Variants in SSH2 observed in about 807,000 individuals in gnomAD.
SSH2 encodes the protein slingshot protein phosphatase 2, also known as protein phosphatase Slingshot homolog 2.
In SSH2, 37 loss-of-function variants were observed where a neutral mutation model predicts 135.2. The observed-to-expected ratio is 0.27, with a 90% CI of 0.21 to 0.36. The LOEUF (loss-of-function observed/expected upper bound fraction) is 0.36. Among genes scored for constraint, SSH2 ranks in the 10% least tolerant of loss-of-function variants. SSH2 has a pLI of 1.00. For synonymous variants in SSH2, 628 were observed against 646.2 expected, an observed-to-expected ratio of 0.97 and a Z score of 0.43; for missense variants, 1,408 against 1,765.3, an observed-to-expected ratio of 0.80 and a Z score of 3.63.
intron 3 of SSH2, among the ~76,000 whole-genome samples, chr17:29,741,440 TAATC>T (rs2040549309): frequency 6.6e-6 from 1 of 152,142 alleles, no homozygotes; most frequent in African/African-American, 2.4e-5. Flanking sequence ...AAACTGGACA[TAATC>T]AAAATGTTCA....
rs114529635 is a variant in SSH2 at position 29,868,288 on chromosome 17, A to G, written c.64-19359T>C. Among the ~76,000 whole-genome samples, 1,081 of 152,312 alleles carry G rather than the reference A, an allele frequency of 7.1e-3. 13 individuals are homozygous for G. Among genetic ancestry groups the G allele is most frequent in the African/African-American group, 0.023 (947 of 41,566 alleles). ...CCTACCCCTCAAGATCCTTGAATCC[A>G]TAAAATTGTTAAAGATGAGAGAAGC... On this transcript the variant is annotated intron_variant, in intron 1 of 15. Coordinates refer to ENST00000540801, the MANE Select transcript of SSH2 (RefSeq NM_001282129.2).
chr17:29,716,501 C>T, intron 3 of SSH2: 3 of 712,894 alleles, frequency 4.2e-6, no homozygotes, highest in Non-Finnish European at 5.2e-6. Context: ...ATTGTAGACT[C>T]CTTCAGTTCT....
Position 29,630,927 on chromosome 17 carries a change from G to A in SSH2, c.4267C>T (p.Gln1423Ter). ...CTAAGGGGGTGAGTTCTGCCGTGTT[G>A]CTGACGGGGTGCCACGGCCAGCCCT... is the stretch of plus-strand genomic sequence containing the variant. Reference protein sequence around the residue: ...APGLAVAPRQQHGRTHPLRRL... With the variant: ...APGLAVAPRQ The change falls in exon 16 of 16, where the codon CAA becomes TAA. Residue 1423 changes from glutamine to a stop codon, truncating the protein, a stop_gained. Transcript: ENST00000540801. LOFTEE classifies it high-confidence loss of function. 6.2e-7 allele frequency: 1 copy of A among 1,609,120 alleles called. No individual in the cohort carries two copies. Among genetic ancestry groups the A allele is most frequent in the African/African-American group, 1.3e-5 (1 of 74,944 alleles).
At chr17:29,754,699 C>T (rs112703840) in intron 3 of SSH2, among the ~76,000 whole-genome samples, 9,263 of 152,010 alleles carry the variant, frequency 0.061, 552 homozygotes, top group African/African-American at 0.16. Context: ...CAGGGTTTTG[C>T]TCTGTTGCCC....
At chr17:29,918,700 G>A (rs1233528387) in intron 1 of SSH2, among the ~76,000 whole-genome samples, 1 of 152,160 alleles carries the variant, frequency 6.6e-6, no homozygotes, top group Non-Finnish European at 1.5e-5. Flanking sequence ...ACTTTGGGAG[G>A]CTGAGGTGGG....
intron 3 of SSH2, among the ~76,000 whole-genome samples, chr17:29,703,489 C>T (rs1256070442): frequency 1.3e-5 from 2 of 152,134 alleles, no homozygotes; most frequent in African/African-American, 4.8e-5. Flanking sequence ...TCAAATGATC[C>T]GCCCACCTCG....
chr17:29,832,245 G>A (rs933978570), intron 2 of SSH2, among the ~76,000 whole-genome samples: 8 of 152,114 alleles, frequency 5.3e-5, no homozygotes, highest in Admixed American at 4.6e-4. Flanking sequence ...CTGGACTCAA[G>A]GGATCCTCCC....
chr17:29,871,804 C>T (rs1401785497), intron 1 of SSH2, among the ~76,000 whole-genome samples: 1 of 152,050 alleles, frequency 6.6e-6, no homozygotes, highest in Non-Finnish European at 1.5e-5. Context: ...AGTAATATGA[C>T]ATTGTGTCAA....
chr17:29,842,215 A>G (rs2043054241), intron 2 of SSH2, among the ~76,000 whole-genome samples: 1 of 152,012 alleles, frequency 6.6e-6, no homozygotes, highest in Non-Finnish European at 1.5e-5. Flanking sequence ...GCACTCTGGG[A>G]GGCCGAGGCA....
intron 2 of SSH2, among the ~76,000 whole-genome samples, chr17:29,795,545 G>A (rs928180017): frequency 6.6e-6 from 1 of 152,036 alleles, no homozygotes; most frequent in African/African-American, 2.4e-5. Flanking sequence ...GCTGTCTCTA[G>A]AATCAATAAT....
chr17:29,878,102 G>A (rs572432947), intron 1 of SSH2, among the ~76,000 whole-genome samples: 1 of 151,824 alleles, frequency 6.6e-6, no homozygotes, highest in Admixed American at 6.6e-5. Context: ...GCACAACAGG[G>A]TGACTACAGT....
At chr17:29,783,282 T>A (rs1598991503) in intron 3 of SSH2, among the ~76,000 whole-genome samples, 2 of 140,588 alleles carry the variant, frequency 1.4e-5, no homozygotes, top group East Asian at 2.0e-4. Context: ...ATTTATATAT[T>A]ATATATATAA....
Position 29,666,924 on chromosome 17 carries a change from C to T in SSH2, c.975G>A (p.Met325Ile), listed in dbSNP as rs1332069133. The change falls in exon 11 of 16, where the codon ATG becomes ATA. Residue 325 changes from methionine (M) to isoleucine (I), a missense_variant. This residue lies in a region of SSH2 where 106 missense variants were observed against 265.2 expected (regional missense o/e 0.40). Coordinates refer to ENST00000540801, the MANE Select transcript of SSH2 (RefSeq NM_001282129.2). ...REFKEFIDNE[M>I]IVILGQMDSP... ...TATCCATTTGACCAAGGATCACTAT[C>T]ATTTCATTGTCTATAAATTCCTTGA... 1 of 1,614,134 alleles carries T rather than the reference C, an allele frequency of 6.2e-7. No individual in the cohort carries two copies. The highest frequency in any genetic ancestry group is 8.5e-7 in the Non-Finnish European group (1 of 1,179,980).
chr17:29,910,980 T>C (rs968387004), intron 1 of SSH2, among the ~76,000 whole-genome samples: 1 of 152,222 alleles, frequency 6.6e-6, no homozygotes, highest in Non-Finnish European at 1.5e-5. Flanking sequence ...CTTGGCCATA[T>C]TCATGTCTTA....
At chr17:29,635,880 T>C in intron 15 of SSH2, 88 bp downstream of exon 15, 1 of 1,023,350 alleles carries the variant, frequency 9.8e-7, no homozygotes, top group Non-Finnish European at 1.4e-6. Flanking sequence ...AGCCAGACTC[T>C]CCATCAAAAA....
In SSH2 at chr17:29,635,943, G is replaced by A. The variant is rs776477451; in HGVS notation, c.2262+25C>T. 3.1e-5 allele frequency: 47 copies of A among 1,522,654 alleles called. No individual in the cohort carries two copies. The Middle Eastern group carries it at 5.2e-4, about 17-fold the overall frequency. The allele number at this position is 1,522,654 out of a possible 1,614,324, so 94.3% of individuals were successfully genotyped here. A position where few individuals can be genotyped will look rare whatever the true frequency, so the allele number is the denominator to read the frequency against. ...ACCTTTGAAGAGAACTTCATTAGGC[G>A]GAAAACTATAAAGACAGTTTTTACC... On this transcript the variant is annotated intron_variant, in intron 15 of 15. Transcript: ENST00000540801.
intron 3 of SSH2, among the ~76,000 whole-genome samples, chr17:29,783,604 A>G (rs987738302): frequency 1.3e-5 from 2 of 152,060 alleles, no homozygotes; most frequent in African/African-American, 4.8e-5. Context: ...TTAACTGTGC[A>G]TCTGCCTTCC....
intron 6 of SSH2, among the ~76,000 whole-genome samples, chr17:29,681,499 A>G (rs2151070942): frequency 6.6e-6 from 1 of 151,980 alleles, no homozygotes; most frequent in South Asian, 2.1e-4. Context: ...AATTCATTCA[A>G]TAAAAATTTA....
At chr17:29,866,651 C>T (rs889271779) in intron 1 of SSH2, among the ~76,000 whole-genome samples, 4 of 152,236 alleles carry the variant, frequency 2.6e-5, no homozygotes, top group South Asian at 2.1e-4. Flanking sequence ...AAAAGAGAAG[C>T]TCTTGGAGTT....
Sources: allele counts gnomAD v4.1 joint callset (sites outside exome capture counted in the v4.1 genomes callset), GRCh38; gene constraint gnomAD v4.1.1; regional missense constraint gnomAD v4.1.1; transcripts MANE v1.5; gene names NCBI Gene and HGNC (gene_info 2026-07-23, HGNC 2026-07-21).